The following ARHGDIG variants were observed in gnomAD, a reference collection of about 807,000 sequenced individuals.
ARHGDIG encodes the protein Rho GDP dissociation inhibitor gamma.
Under a neutral mutation model 20.2 loss-of-function variants are expected in ARHGDIG, and 14 were observed. The ratio of observed to expected loss-of-function variants is 0.69; its 90% CI spans 0.46 to 1.08. ARHGDIG has a LOEUF of 1.08. Ranked by LOEUF, ARHGDIG falls within the 50% of genes least tolerant of loss-of-function variation. The pLI is 0.00. For missense variants in ARHGDIG, 311 were observed against 301.8 expected (o/e 1.03, Z -0.23); for synonymous variants, 193 against 138.6 (o/e 1.39, Z -2.76).
In ARHGDIG at chr16:282,364, C is replaced by G. The variant is rs774010528; in HGVS notation, c.405C>G (p.Ile135Met). Residue 135 changes from isoleucine (I) to methionine (M), a missense_variant, in exon 4 of 6, where the codon ATC (isoleucine) becomes ATG (methionine). Ile to Met is a conservative substitution (Grantham distance 10). Coordinates refer to ENST00000219409, the MANE Select transcript of ARHGDIG (RefSeq NM_001176.4). ...LKEGVDYRVK[I>M]SFKVHREIVS... ...AAGGTGTTGATTACAGAGTGAAGATCTCCTTCAAGGTGAGAGCCGGGGCAA... is the reference window on the plus strand; with the variant it reads ...AAGGTGTTGATTACAGAGTGAAGATGTCCTTCAAGGTGAGAGCCGGGGCAA... 2 of 1,612,922 alleles carry G rather than the reference C, an allele frequency of 1.2e-6. No homozygotes were observed. Among genetic ancestry groups the G allele is most frequent in the Non-Finnish European group, 1.7e-6 (2 of 1,179,924 alleles).
Position 280,594 on chromosome 16 carries a change from C to G in ARHGDIG, c.-87C>G. The G allele has an allele frequency of 4.8e-6, 3 of 620,824 alleles. No homozygotes were observed. The highest frequency in any genetic ancestry group is 4.0e-6 in the Non-Finnish European group (2 of 499,802). 38.5% of individuals were successfully genotyped at this position (620,824 alleles called of 1,614,324 possible). A position where few individuals can be genotyped will look rare whatever the true frequency, so the allele number is the denominator to read the frequency against. ...CCGGCCGGGATGAGCTCACCGCAGT[C>G]GCGCCGGGGCTGAGCGCCGAGCGGG... On this transcript the variant is annotated 5_prime_UTR_variant, in exon 1 of 6. Transcript: ENST00000219409. The surrounding 1 kb of genome is among the most constrained non-coding windows in gnomAD (Gnocchi z 6.6).
rs531957070 is a variant in ARHGDIG at position 281,643 on chromosome 16, C to T, written c.74-103C>T. ...GCCCCCAGAGGCTTCCCTTGAGTCCCTTTGGATAGTGGGAGGTACAGCTGG... is the reference window on the plus strand; with the variant it reads ...GCCCCCAGAGGCTTCCCTTGAGTCCTTTTGGATAGTGGGAGGTACAGCTGG... On this transcript the variant is annotated intron_variant, in intron 1 of 5. Coordinates refer to ENST00000219409, the MANE Select transcript of ARHGDIG (RefSeq NM_001176.4). 3.0e-6 allele frequency: 4 copies of T among 1,339,670 alleles called. No individual in the cohort carries two copies. In the Admixed American group the frequency reaches 7.1e-5, roughly 24 times the overall value. 83.0% of individuals were successfully genotyped at this position (1,339,670 alleles called of 1,614,324 possible). A position where few individuals can be genotyped will look rare whatever the true frequency, so the allele number is the denominator to read the frequency against.
At position 281,781 on chromosome 16, in the gene ARHGDIG, G is replaced by T. The variant is rs755561283; in HGVS notation, c.109G>T (p.Val37Leu). The T allele has an allele frequency of 2.6e-5, 42 of 1,608,350 alleles. No individual in the cohort carries two copies. The highest frequency in any genetic ancestry group is 3.5e-5 in the Non-Finnish European group (41 of 1,177,668). ...LADKEGGPPA[V>L]DEVLDEAVPE... ...TGACAAGGAGGGTGGGCCGCCGGCA[G>T]TGGACGAGGTGTTGGATGAGGCTGT... The change falls in exon 2 of 6, where the codon GTG becomes TTG. Residue 37 changes from valine to leucine, a missense_variant. Val to Leu is a conservative substitution (Grantham distance 32, BLOSUM62 1). Coordinates refer to ENST00000219409, the MANE Select transcript of ARHGDIG (RefSeq NM_001176.4).
Position 280,852 on chromosome 16 carries a change from C to A in ARHGDIG, c.73+99C>A. The A allele has an allele frequency of 1.4e-6, 1 of 731,074 alleles. No homozygotes were observed. The highest frequency in any genetic ancestry group is 1.8e-6 in the Non-Finnish European group (1 of 565,964). 45.3% of individuals were successfully genotyped at this position (731,074 alleles called of 1,614,324 possible). ...CAACTTTGGGGGCGCGCATGGGGACCTCGCGGCGCCGACCCCCCGGCTGGG... is the reference window on the plus strand; with the variant it reads ...CAACTTTGGGGGCGCGCATGGGGACATCGCGGCGCCGACCCCCCGGCTGGG... On this transcript the variant is annotated intron_variant, in intron 1 of 5. Coordinates refer to ENST00000219409, the MANE Select transcript of ARHGDIG (RefSeq NM_001176.4). The surrounding 1 kb of genome is among the most constrained non-coding windows in gnomAD (Gnocchi z 6.6).
In ARHGDIG at chr16:283,008, G is replaced by A. The variant is rs1193937657; in HGVS notation, c.*194G>A. On this transcript the variant is annotated 3_prime_UTR_variant, in exon 6 of 6. Coordinates refer to ENST00000219409, the MANE Select transcript of ARHGDIG (RefSeq NM_001176.4). ...CATTAAACATGGCCCTGTCTCTCTC[G>A]GTGCCCTGGGTGTCGTCTCTTTCTG... is the stretch of plus-strand genomic sequence containing the variant. 31 of 910,058 alleles carry A rather than the reference G, an allele frequency of 3.4e-5. No individual in the cohort carries two copies. The highest frequency in any genetic ancestry group is 4.0e-5 in the Non-Finnish European group (25 of 628,404). 56.4% of individuals were successfully genotyped at this position (910,058 alleles called of 1,614,324 possible).
intron 3 of ARHGDIG, 73 bp from the exon 4 acceptor site, chr16:282,224 C>T (rs1420195403): frequency 5.6e-6 from 9 of 1,607,470 alleles, no homozygotes; most frequent in Admixed American, 1.7e-5. Flanking sequence ...GGTACCACAC[C>T]CTACGTGGGG....
In ARHGDIG at chr16:281,516, G is replaced by C. The variant is rs79091273; in HGVS notation, c.74-230G>C. On this transcript the variant is annotated intron_variant, in intron 1 of 5. Coordinates refer to ENST00000219409, the MANE Select transcript of ARHGDIG (RefSeq NM_001176.4). ...GCCCTTGTGGACATCTGGGCCAGAG[G>C]AGCTGCAGGCCTGGCGGTCTCTGGA... The C allele has an allele frequency of 2.4e-3, 1,241 of 517,294 alleles. 23 individuals carry two copies. The East Asian group carries it at 0.035, about 15-fold the overall frequency. 32.0% of individuals were successfully genotyped at this position (517,294 alleles called of 1,614,324 possible).
chr16:282,221 C>T, intron 3 of ARHGDIG, 76 bp from the exon 4 acceptor site: 1 of 1,606,422 alleles, frequency 6.2e-7, no homozygotes, highest in Non-Finnish European at 8.5e-7. Flanking sequence ...ATGGGTACCA[C>T]ACCCTACGTG....
In ARHGDIG at chr16:280,712, C is replaced by G. The variant is rs1437890715; in HGVS notation, c.32C>G (p.Ala11Gly). 1 of 1,271,866 alleles carries G rather than the reference C, an allele frequency of 7.9e-7. No homozygotes were observed. The highest frequency in any genetic ancestry group is 1.0e-6 in the Non-Finnish European group (1 of 1,003,780). The allele number at this position is 1,271,866 out of a possible 1,614,324, so 78.8% of individuals were successfully genotyped here. The change falls in exon 1 of 6, where the codon GCG (alanine) becomes GGG (glycine). Residue 11 changes from alanine to glycine, a missense_variant. Ala to Gly is a moderately conservative substitution (Grantham distance 60). Coordinates refer to ENST00000219409, the MANE Select transcript of ARHGDIG (RefSeq NM_001176.4). The surrounding 1 kb of genome is among the most constrained non-coding windows in gnomAD (Gnocchi z 6.6). The part of the protein sequence containing the change: MLGLDACELG[A>G]QLLELLRLAL... ...GGCCTGGACGCGTGCGAGCTGGGGGCGCAGCTGCTGGAGCTGCTCCGGCTG... is the reference window on the plus strand; with the variant it reads ...GGCCTGGACGCGTGCGAGCTGGGGGGGCAGCTGCTGGAGCTGCTCCGGCTG...
rs199594877 is a variant in ARHGDIG at position 282,411 on chromosome 16, G to A, written c.414+38G>A. 5.7e-4 allele frequency: 914 copies of A among 1,612,078 alleles called. 13 individuals carry two copies. The East Asian group carries it at 0.015, about 26-fold the overall frequency. ...GCAATGGGCGGAGGGGATGGGGGTGGGGGCAACAGCCAGAGGCCTGGCCCC... is the reference window on the plus strand; with the variant it reads ...GCAATGGGCGGAGGGGATGGGGGTGAGGGCAACAGCCAGAGGCCTGGCCCC... On this transcript the variant is annotated intron_variant, in intron 4 of 5. Coordinates refer to ENST00000219409, the MANE Select transcript of ARHGDIG (RefSeq NM_001176.4).
In ARHGDIG at chr16:281,736, C is replaced by A; in HGVS notation, c.74-10C>A. ...TAGTGGCTGCTGCTCACGCCCCTCC[C>A]CACCCCCAGTCCTCCTGGCTGACAA... On this transcript the variant is annotated splice_polypyrimidine_tract_variant and intron_variant, in intron 1 of 5. Transcript: ENST00000219409. 6.4e-7 allele frequency: 1 copy of A among 1,569,816 alleles called. No homozygotes were observed.
In ARHGDIG at chr16:282,299, G is replaced by C. The variant is rs1242380858; in HGVS notation, c.340G>C (p.Asp114His). 2 of 1,613,182 alleles carry C rather than the reference G, an allele frequency of 1.2e-6. No individual in the cohort carries two copies. The highest frequency in any genetic ancestry group is 2.7e-5 in the African/African-American group (2 of 74,890). Reference sequence around the variant, plus strand: ...CCTAGCTGAGGTTTCCCCAATAGGGGACCTGGCTGTTCTGAAGGACCAGGT... The same window carrying C: ...CCTAGCTGAGGTTTCCCCAATAGGGCACCTGGCTGTTCTGAAGGACCAGGT... ...PGPVVMDLTG[D>H]LAVLKDQVFV... Residue 114 changes from aspartate to histidine, a missense_variant and splice_region_variant, in exon 4 of 6, where the codon GAC becomes CAC. Coordinates refer to ENST00000219409, the MANE Select transcript of ARHGDIG (RefSeq NM_001176.4).
rs1397482395 is a variant in ARHGDIG at position 280,734 on chromosome 16, G to A, written c.54G>A (p.Arg18=). The stretch of plus-strand genomic sequence containing the variant: ...GGGCGCAGCTGCTGGAGCTGCTCCG[G>A]CTGGCGCTGTGCGCCCGAGGTGAGC... ...ELGAQLLELL[R]LALCARVLLA... The change falls in exon 1 of 6, where the codon CGG becomes CGA. Residue 18 remains arginine, a synonymous_variant. Coordinates refer to ENST00000219409, the MANE Select transcript of ARHGDIG (RefSeq NM_001176.4). This position sits in a 1 kb window ranked among gnomAD's most constrained non-coding sequence, Gnocchi z 6.6. 22 of 1,296,108 alleles carry A rather than the reference G, an allele frequency of 1.7e-5. 1 individual carries two copies. The Admixed American group carries it at 7.4e-4, about 44-fold the overall frequency. The allele number at this position is 1,296,108 out of a possible 1,614,324, so 80.3% of individuals were successfully genotyped here. A position where few individuals can be genotyped will look rare whatever the true frequency, so the allele number is the denominator to read the frequency against.
In ARHGDIG at chr16:281,827, G is replaced by C. The variant is rs777454652; in HGVS notation, c.155G>C (p.Gly52Ala). The change falls in exon 2 of 6, where the codon GGG becomes GCG. Residue 52 changes from glycine to alanine, a missense_variant. Physicochemically the swap from Gly to Ala is moderately conservative, Grantham distance 60. Coordinates refer to ENST00000219409, the MANE Select transcript of ARHGDIG (RefSeq NM_001176.4). ...GCTGTGCCCGAGTACCGGGCGCCGG[G>C]GAGGAAGAGCCTCTTGGAGATCCGG... ...DEAVPEYRAPGRKSLLEIRQL... is the reference protein window; with the variant it reads ...DEAVPEYRAPARKSLLEIRQL... The C allele has an allele frequency of 2.5e-6, 4 of 1,611,998 alleles. No individual in the cohort carries two copies. In the South Asian group the frequency reaches 4.4e-5, roughly 18 times the overall value.
Position 281,583 on chromosome 16 carries a change from G to GA in ARHGDIG, c.74-163_74-162insA. On this transcript the variant is annotated intron_variant, in intron 1 of 5. Transcript: ENST00000219409. The stretch of plus-strand genomic sequence containing the variant: ...CTGGGTGCGGTGCGGCACCTCCCCA[G>GA]GCCGCCCTGCTCTCTCTGCTCGCTC... The GA allele has an allele frequency of 1.1e-5, 9 of 851,898 alleles. No individual in the cohort carries two copies. The East Asian group carries it at 2.4e-4, about 23-fold the overall frequency. 52.8% of individuals were successfully genotyped at this position (851,898 alleles called of 1,614,324 possible).
intron 1 of ARHGDIG, 30 bp from the exon 2 acceptor site, chr16:281,716 G>A (rs757503760): frequency 6.5e-7 from 1 of 1,535,430 alleles, no homozygotes; most frequent in Non-Finnish European, 8.8e-7. Flanking sequence ...TCCGCTAGTG[G>A]CTGCTGCTCA....
intron 1 of ARHGDIG, 91 bp from the exon 2 acceptor site, chr16:281,653 TGG>T (rs2141443890): frequency 2.2e-6 from 3 of 1,357,758 alleles, no homozygotes; most frequent in Middle Eastern, 2.6e-4. Context: ...CTTTGGATAG[TGG>T]GAGGTACAGC....
rs2052292157 is a variant in ARHGDIG at position 282,087 on chromosome 16, C to A, written c.316C>A (p.Pro106Thr). The A allele has an allele frequency of 6.2e-7, 1 of 1,612,758 alleles. No individual in the cohort carries two copies. Among genetic ancestry groups the A allele is most frequent in the Admixed American group, 1.7e-5 (1 of 59,982 alleles). The change falls in exon 3 of 6, where the codon CCC becomes ACC. Residue 106 changes from proline (P) to threonine (T), a missense_variant. Pro to Thr is a conservative substitution (Grantham distance 38). Transcript: ENST00000219409. ...ACTCCTGTCGGAACAGGCTCCGGGG[C>A]CCGTCGTCATGGATCTCACAGGTAA... ...LTLLSEQAPG[P>T]VVMDLTGDLA... is the part of the protein sequence containing the mutation.
chr16:282,721 C>T lies in ARHGDIG; in HGVS notation c.585C>T (p.Pro195=), dbSNP rs1023470769. Residue 195 remains proline, a synonymous_variant, in exon 6 of 6, where the codon CCC becomes CCT. Coordinates refer to ENST00000219409, the MANE Select transcript of ARHGDIG (RefSeq NM_001176.4). ...EAPRGALVRG[P]YLVVSLFTDD... ...CGAGGGGTGCGCTGGTGCGGGGCCC[C>T]TATCTGGTGGTGTCCCTCTTCACCG... 2 of 1,605,058 alleles carry T rather than the reference C, an allele frequency of 1.2e-6. No individual in the cohort carries two copies. Among genetic ancestry groups the T allele is most frequent in the Non-Finnish European group, 1.7e-6 (2 of 1,176,152 alleles).
Sources: gnomAD v4.1 joint callset for allele counts on GRCh38, gnomAD v4.1.1 for gene constraint, Gnocchi (gnomAD v3.1) non-coding constraint, MANE v1.5 for transcripts, NCBI Gene and HGNC (gene_info 2026-07-23, HGNC 2026-07-21) for gene names.